The following HS1BP3 variants were observed in gnomAD, a reference collection of about 807,000 sequenced individuals.
HS1BP3 encodes HCLS1-binding protein 3.
A neutral mutation model predicts 33.5 loss-of-function variants in HS1BP3; 32 were observed. That is an observed-to-expected ratio of 0.95 (90% CI 0.72 to 1.28). HS1BP3 has a LOEUF of 1.28. HS1BP3 is among the 50% of genes most tolerant of loss of function. The pLI is 0.00. For missense variants in HS1BP3, 486 were observed against 502.3 expected (o/e 0.97, Z 0.31); for synonymous variants, 187 against 209.2 (o/e 0.89, Z 0.92).
chr2:20,591,424 C>T (rs888019509), downstream of HS1BP3, among the ~76,000 whole-genome samples: 8 of 152,178 alleles, frequency 5.3e-5, no homozygotes. Context: ...GGCCACCAGC[C>T]CCAGAGAGCC....
intron 1 of HS1BP3, among the ~76,000 whole-genome samples, chr2:20,647,670 G>C (rs1695558985): frequency 1.3e-5 from 2 of 152,138 alleles, no homozygotes; most frequent in Admixed American, 6.5e-5. Context: ...TGAACCCATA[G>C]GAAAACTTTC....
At chr2:20,621,912 A>G (rs2149290570) in intron 6 of HS1BP3, among the ~76,000 whole-genome samples, 1 of 152,328 alleles carries the variant, frequency 6.6e-6, no homozygotes, top group African/African-American at 2.4e-5. Context: ...CGCAAGGTCC[A>G]GCTCTTTTCT....
rs996194396 is a variant in HS1BP3, at chr2:20,645,451, C to A, written c.87G>T (p.Glu29Asp). The A allele has an allele frequency of 6.2e-7, 1 of 1,614,120 alleles. No individual in the cohort carries two copies. The highest frequency in any genetic ancestry group is 1.3e-5 in the African/African-American group (1 of 75,064). ...GLDLTVPQHQ[E>D]VRGKMMSGHV... Reference sequence around the variant, plus strand: ...GTCCAGACATCATCTTGCCCCGTACCTCCTGGTGCTGGGGCACAGTCAGGT... The same window carrying A: ...GTCCAGACATCATCTTGCCCCGTACATCCTGGTGCTGGGGCACAGTCAGGT... The change falls in exon 2 of 7, where the codon GAG (glutamate) becomes GAT (aspartate). Residue 29 changes from glutamate (E) to aspartate (D), a missense_variant. Transcript: ENST00000304031.
At chr2:20,566,612 G>A (rs866150247) in intron 5 of HS1BP3, among the ~76,000 whole-genome samples, 1 of 141,910 alleles carries the variant, frequency 7.0e-6, no homozygotes. Context: ...TTTTTTTTTT[G>A]TTTTTTTTTT....
intron 4 of HS1BP3, among the ~76,000 whole-genome samples, chr2:20,631,238 G>T (rs1455277791): frequency 6.6e-6 from 1 of 152,006 alleles, no homozygotes; most frequent in Non-Finnish European, 1.5e-5. Flanking sequence ...GCCAGGCCAG[G>T]CACAGTGGCT....
At chr2:20,554,489 G>A in the HS1BP3 span, among the ~76,000 whole-genome samples, 11 of 152,168 alleles carry the variant, frequency 7.2e-5, no homozygotes, top group Non-Finnish European at 1.3e-4. Flanking sequence ...TTGGGAGGCC[G>A]AGGCCGGCGG....
downstream of HS1BP3, among the ~76,000 whole-genome samples, chr2:20,614,332 G>A (rs1036855206): frequency 6.6e-6 from 1 of 152,222 alleles, no homozygotes; most frequent in African/African-American, 2.4e-5. Context: ...ATGGTGCTTT[G>A]CCAAGGCAGC....
In HS1BP3 at chr2:20,647,131, G is replaced by C. The variant is rs369026678; in HGVS notation, c.33-1626C>G. Reference sequence around the variant, plus strand: ...GGGAGGTCCTCTCAGGGGTGGGAAAGGGATGGAGCAGACCCAGATGGGCAC... The same window carrying C: ...GGGAGGTCCTCTCAGGGGTGGGAAACGGATGGAGCAGACCCAGATGGGCAC... On this transcript the variant is annotated intron_variant, in intron 1 of 6. Coordinates refer to ENST00000304031, the MANE Select transcript of HS1BP3 (RefSeq NM_022460.4). Among the ~76,000 whole-genome samples the C allele has an allele frequency of 7.9e-5, 12 of 152,294 alleles. 1 individual carries two copies. In the South Asian group the frequency reaches 1.2e-3, roughly 16 times the overall value.
intron 5 of HS1BP3, among the ~76,000 whole-genome samples, chr2:20,582,893 C>T (rs911478330): frequency 1.3e-5 from 2 of 152,162 alleles, no homozygotes; most frequent in African/African-American, 2.4e-5. Flanking sequence ...AGGGTCAGAG[C>T]CTCCAGTGCC....
At chr2:20,561,590 T>G (rs746560676) in intron 5 of HS1BP3, among the ~76,000 whole-genome samples, 2 of 152,138 alleles carry the variant, frequency 1.3e-5, no homozygotes, top group African/African-American at 4.8e-5. Flanking sequence ...TCCACACATA[T>G]GCATATGCGT....
chr2:20,610,040 T>C (rs1694286502), intron 2 of HS1BP3, among the ~76,000 whole-genome samples: 1 of 152,174 alleles, frequency 6.6e-6, no homozygotes. Context: ...TGGTTCCTTT[T>C]TTATTTTTAA....
chr2:20,618,529 G>A lies in HS1BP3; in HGVS notation c.*458C>T, dbSNP rs367886882. 8.8e-5 allele frequency: 16 copies of A among 180,820 alleles called. 1 individual carries two copies. The highest frequency in any genetic ancestry group is 3.7e-4 in the East Asian group (2 of 5,392). The allele number at this position is 180,820 out of a possible 1,614,324, so 11.2% of individuals were successfully genotyped here. Reference sequence around the variant, plus strand: ...TAGGGTAGGGGAAGGGGAGGATACCGGTCACTCCTTCTTACTATGCGAACA... The same window carrying A: ...TAGGGTAGGGGAAGGGGAGGATACCAGTCACTCCTTCTTACTATGCGAACA... On this transcript the variant is annotated 3_prime_UTR_variant, in exon 7 of 7. Coordinates refer to ENST00000304031, the MANE Select transcript of HS1BP3 (RefSeq NM_022460.4).
intron 5 of HS1BP3, among the ~76,000 whole-genome samples, chr2:20,565,030 GC>G (rs1250460832): frequency 6.6e-6 from 1 of 152,172 alleles, no homozygotes; most frequent in Non-Finnish European, 1.5e-5. Flanking sequence ...ATTAGCAACA[GC>G]CCAGACTGGG....
At chr2:20,631,034 C>T (rs1694951144) in intron 4 of HS1BP3, among the ~76,000 whole-genome samples, 1 of 152,140 alleles carries the variant, frequency 6.6e-6, no homozygotes, top group Non-Finnish European at 1.5e-5. Context: ...ACCATGTTTC[C>T]TTACTGGAGG....
chr2:20,605,598 GCC>G (rs1694160614), intron 2 of HS1BP3, among the ~76,000 whole-genome samples: 1 of 152,032 alleles, frequency 6.6e-6, no homozygotes, highest in Non-Finnish European at 1.5e-5. Flanking sequence ...CGCACTCCCA[GCC>G]CCTGGCAACC....
At chr2:20,643,449 G>C (rs967311589) in intron 2 of HS1BP3, among the ~76,000 whole-genome samples, 1 of 152,168 alleles carries the variant, frequency 6.6e-6, no homozygotes, top group Admixed American at 6.5e-5. Flanking sequence ...CCTGGATCAA[G>C]TCAAATTACC....
chr2:20,559,884 T>A (rs527919394), downstream of HS1BP3, among the ~76,000 whole-genome samples: 5 of 152,302 alleles, frequency 3.3e-5, no homozygotes, highest in East Asian at 9.7e-4. Context: ...GTGCACCACT[T>A]GCGATTTTTA....
chr2:20,651,049 C>T lies in HS1BP3; in HGVS notation c.15G>A (p.Ala5=), dbSNP rs1332989808. The T allele has an allele frequency of 4.0e-6, 5 of 1,239,576 alleles. No individual in the cohort carries two copies. The African/African-American group carries it at 4.6e-5, about 11-fold the overall frequency. 76.8% of individuals were successfully genotyped at this position (1,239,576 alleles called of 1,614,324 possible). The change falls in exon 1 of 7, where the codon GCG becomes GCA. Residue 5 remains alanine (A), a synonymous_variant. Transcript: ENST00000304031. MQSP[A]VLVTSRRLQN... ...TGGCTCACCTGGAGGTGACGAGCACCGCCGGGGACTGCATGACGGCGGCGG... is the reference window on the plus strand; with the variant it reads ...TGGCTCACCTGGAGGTGACGAGCACTGCCGGGGACTGCATGACGGCGGCGG...
At position 20,640,815 on chromosome 2, in the gene HS1BP3, T is replaced by A; in HGVS notation, c.406+158A>T. On this transcript the variant is annotated intron_variant, in intron 3 of 6. Coordinates refer to ENST00000304031, the MANE Select transcript of HS1BP3 (RefSeq NM_022460.4). The stretch of plus-strand genomic sequence containing the variant: ...AGGGTAGGCCTCCTTCTGCCCACCA[T>A]CCAGCCAAGGATGTCAGCGAGGCCA... 4.3e-6 allele frequency: 3 copies of A among 705,794 alleles called. No homozygotes were observed. In the African/African-American group the frequency reaches 5.3e-5, roughly 13 times the overall value. The allele number at this position is 705,794 out of a possible 1,614,324, so 43.7% of individuals were successfully genotyped here.
Sources: allele counts gnomAD v4.1 joint callset (sites outside exome capture counted in the v4.1 genomes callset), GRCh38; gene constraint gnomAD v4.1.1; transcripts MANE v1.5; gene names NCBI Gene and HGNC (gene_info 2026-07-23, HGNC 2026-07-21).